PSD2: variants seen among roughly 807,000 people sequenced by gnomAD.
The protein encoded by PSD2 is PH and SEC7 domain-containing protein 2.
A neutral mutation model predicts 69.8 loss-of-function variants in PSD2; 38 were observed. The observed-to-expected ratio is 0.54, with a 90% CI of 0.42 to 0.71. The LOEUF (loss-of-function observed/expected upper bound fraction) is 0.71, where lower values mean the gene tolerates loss of function less well. PSD2 is among the 30% of genes least tolerant of loss of function. PSD2 has a pLI of 0.00. For missense variants in PSD2, 943 were observed against 1,014.5 expected (o/e 0.93, Z 0.96); for synonymous variants, 412 against 423.0 (o/e 0.97, Z 0.32).
intron 2 of PSD2, among the ~76,000 whole-genome samples, chr5:139,811,829 G>A (rs1202451305): frequency 6.6e-6 from 1 of 152,176 alleles, no homozygotes; most frequent in African/African-American, 2.4e-5. Context: ...TCCTGACCTC[G>A]TGATCCACCT....
intron 14 of PSD2, 130 bp downstream of exon 14, chr5:139,840,300 ACAGGGTC>A: frequency 9.6e-7 from 1 of 1,040,530 alleles, no homozygotes; most frequent in Non-Finnish European, 1.4e-6. Flanking sequence ...CTGGGAGGGA[ACAGGGTC>A]CCCTGACCTT....
chr5:139,752,931 C>T, the PSD2 span, among the ~76,000 whole-genome samples: 6 of 152,260 alleles, frequency 3.9e-5, no homozygotes, highest in East Asian at 1.9e-4. Context: ...TTTGACCAAC[C>T]CCTCCGCCCC....
chr5:139,776,670 C>CTTT, the PSD2 span, among the ~76,000 whole-genome samples: 23 of 133,028 alleles, frequency 1.7e-4, no homozygotes, highest in African/African-American at 6.0e-4. Flanking sequence ...TTCTGAGCTG[C>CTTT]TTTTTTTTTT....
At chr5:139,798,092 G>A (rs1759574271) in intron 1 of PSD2, among the ~76,000 whole-genome samples, 1 of 152,180 alleles carries the variant, frequency 6.6e-6, no homozygotes, top group Non-Finnish European at 1.5e-5. Flanking sequence ...AATCTGTTTT[G>A]AGCGGCATCT....
At chr5:139,838,913 T>C (rs987620227) in intron 13 of PSD2, 141 bp downstream of exon 13, 2 of 883,882 alleles carry the variant, frequency 2.3e-6, no homozygotes, top group African/African-American at 3.4e-5. Flanking sequence ...ACCTGTTCCC[T>C]CCATCCCAAG....
the PSD2 span, among the ~76,000 whole-genome samples, chr5:139,755,507 AGCTT>A: frequency 6.6e-6 from 1 of 151,766 alleles, no homozygotes; most frequent in East Asian, 1.9e-4. Flanking sequence ...CTCTCTGCAC[AGCTT>A]GTGTGATGTG....
At chr5:139,784,779 G>A in the PSD2 span, among the ~76,000 whole-genome samples, 7 of 150,914 alleles carry the variant, frequency 4.6e-5, no homozygotes, top group South Asian at 1.0e-3. Context: ...TTTTTGAGAC[G>A]GAGTCTTGCT....
chr5:139,759,432 C>T, the PSD2 span, among the ~76,000 whole-genome samples: 3 of 152,100 alleles, frequency 2.0e-5, no homozygotes, highest in Non-Finnish European at 2.9e-5. Context: ...CGTGTCGGGA[C>T]GCACCGTATA....
chr5:139,776,246 C>G, the PSD2 span, among the ~76,000 whole-genome samples: 13 of 152,230 alleles, frequency 8.5e-5, no homozygotes, highest in African/African-American at 3.1e-4. Context: ...CTCTGGGCAT[C>G]GGGCCCAAGT....
At chr5:139,820,877 A>T (rs1279573424) in intron 5 of PSD2, among the ~76,000 whole-genome samples, 1 of 151,268 alleles carries the variant, frequency 6.6e-6, no homozygotes, top group Non-Finnish European at 1.5e-5. Context: ...GGCAGTGAAC[A>T]TGGCCATGAT....
the PSD2 span, among the ~76,000 whole-genome samples, chr5:139,757,200 C>G: frequency 6.6e-6 from 1 of 152,176 alleles, no homozygotes; most frequent in Non-Finnish European, 1.5e-5. Context: ...TTGGAGCTGC[C>G]TGTGTGAGAA....
chr5:139,791,893 C>A (rs1011502062), upstream of PSD2, among the ~76,000 whole-genome samples: 6 of 152,334 alleles, frequency 3.9e-5, no homozygotes, highest in Admixed American at 3.3e-4. Flanking sequence ...GAATTAGAGA[C>A]AGCCAGCATG....
rs144677212 is a variant in PSD2, at chr5:139,814,504, G to A, written c.1016+140G>A. On this transcript the variant is annotated intron_variant, in intron 4 of 14. Coordinates refer to ENST00000274710, the MANE Select transcript of PSD2 (RefSeq NM_032289.4). The surrounding 1 kb of genome is among the most constrained non-coding windows in gnomAD (Gnocchi z 4.4). ...CAGTTCCCCAAGGACACCTCCTCCC[G>A]CCACTGTCCTCATTCCTGGCCTCGC... The A allele has an allele frequency of 7.1e-5, 51 of 716,558 alleles. No homozygotes were observed. The highest frequency in any genetic ancestry group is 6.5e-4 in the African/African-American group (35 of 53,954). The allele number at this position is 716,558 out of a possible 1,614,324, so 44.4% of individuals were successfully genotyped here.
chr5:139,807,282 A>C (rs1179010406), intron 1 of PSD2, among the ~76,000 whole-genome samples: 1 of 152,188 alleles, frequency 6.6e-6, no homozygotes, highest in East Asian at 1.9e-4. Context: ...CCTGGGCTAG[A>C]AAGCAGGTCA....
chr5:139,749,822 A>G, the PSD2 span, among the ~76,000 whole-genome samples: 1 of 151,234 alleles, frequency 6.6e-6, no homozygotes, highest in South Asian at 2.1e-4. Flanking sequence ...ATGACAGAAC[A>G]CCATCTCTAC....
Position 139,838,728 on chromosome 5 carries a change from T to A in PSD2, c.1924T>A (p.Phe642Ile). The change falls in exon 13 of 15, where the codon TTC becomes ATC. Residue 642 changes from phenylalanine to isoleucine, a missense_variant. Transcript: ENST00000274710. ...AGCCGCTGTCAGCTCCATGAAGAAG[T>A]TCTGTCGGCCCCTGCTGCCCTCCTG... is the stretch of plus-strand genomic sequence containing the variant. ...FPAAVSSMKKFCRPLLPSCTT... is the reference protein window; with the variant it reads ...FPAAVSSMKKICRPLLPSCTT... 1.2e-6 allele frequency: 2 copies of A among 1,613,800 alleles called. No homozygotes were observed. The highest frequency in any genetic ancestry group is 1.7e-6 in the Non-Finnish European group (2 of 1,179,918).
chr5:139,790,404 G>T, the PSD2 span, among the ~76,000 whole-genome samples: 1 of 152,006 alleles, frequency 6.6e-6, no homozygotes, highest in South Asian at 2.1e-4. Flanking sequence ...GAAGCTTCAG[G>T]GTTTAGCTGG....
chr5:139,766,840 T>TTTCC, the PSD2 span, among the ~76,000 whole-genome samples: 5 of 144,174 alleles, frequency 3.5e-5, no homozygotes, highest in Non-Finnish European at 7.6e-5. Flanking sequence ...TCTTTCTTTC[T>TTTCC]TTCTTTCTTT....
chr5:139,748,791 CG>C, the PSD2 span, among the ~76,000 whole-genome samples: 1 of 152,154 alleles, frequency 6.6e-6, no homozygotes, highest in Non-Finnish European at 1.5e-5. Flanking sequence ...CTCTGATTGC[CG>C]AGTAAATCAC....
Sources: gnomAD v4.1 joint callset for allele counts (sites outside exome capture counted in the v4.1 genomes callset) on GRCh38, gnomAD v4.1.1 for gene constraint, Gnocchi (gnomAD v3.1) non-coding constraint, MANE v1.5 for transcripts, NCBI Gene and HGNC (gene_info 2026-07-23, HGNC 2026-07-21) for gene names.